PCDHGA4: variants seen among roughly 807,000 people sequenced by gnomAD.
PCDHGA4 encodes protocadherin gamma-A4.
PCDHGA4 carries 38 observed loss-of-function variants against 54.6 expected under a neutral mutation model. That is an observed-to-expected ratio of 0.70 (90% confidence interval 0.54 to 0.91). The LOEUF is 0.91. Ranked by LOEUF, PCDHGA4 falls within the 40% of genes least tolerant of loss-of-function variation. The probability of loss-of-function intolerance (pLI) is 0.00; values close to 1 mark genes in which losing one functional copy is unlikely to be tolerated. For missense variants in PCDHGA4, 1,298 were observed against 1,220.9 expected, an observed-to-expected ratio of 1.06 and a Z score of -0.94; for synonymous variants, 511 against 512.9, an observed-to-expected ratio of 1.00 and a Z score of 0.05.
At chr5:141,466,871 T>G (rs1432611218) in intron 1 of PCDHGA4, among the ~76,000 whole-genome samples, 1 of 152,166 alleles carries the variant, frequency 6.6e-6, no homozygotes, top group Admixed American at 6.5e-5. Flanking sequence ...ATCCACACAT[T>G]TTTTTCATAA....
chr5:141,383,749 A>C (rs771648323), intron 1 of PCDHGA4: 12 of 1,614,008 alleles, frequency 7.4e-6, no homozygotes, highest in Non-Finnish European at 1.0e-5. Context: ...TTTTCGGAAA[A>C]TAACTCCTAA....
At chr5:141,455,686 G>A (rs1282071031) in intron 1 of PCDHGA4, among the ~76,000 whole-genome samples, 1 of 152,094 alleles carries the variant, frequency 6.6e-6, no homozygotes. Context: ...AAGGCTGTGG[G>A]AATCGCCAAG....
intron 1 of PCDHGA4, among the ~76,000 whole-genome samples, chr5:141,447,983 G>A (rs1311439824): frequency 6.6e-6 from 1 of 151,972 alleles, no homozygotes; most frequent in Non-Finnish European, 1.5e-5. Context: ...CTACTCGGGA[G>A]GCTGAGGCAT....
intron 1 of PCDHGA4, among the ~76,000 whole-genome samples, chr5:141,442,967 G>T (rs553833025): frequency 1.3e-5 from 2 of 152,220 alleles, no homozygotes; most frequent in African/African-American, 2.4e-5. Context: ...AGACATTCTG[G>T]CTGATAAAGT....
At chr5:141,373,521 T>A (rs1217518860) in intron 1 of PCDHGA4, among the ~76,000 whole-genome samples, 1 of 152,192 alleles carries the variant, frequency 6.6e-6, no homozygotes, top group African/African-American at 2.4e-5. Context: ...AGACTTTGTC[T>A]CCAAAAAAGT....
rs767147642 is a variant in PCDHGA4 at position 141,356,594 on chromosome 5, A to G, written c.1487A>G (p.Asn496Ser). 4 of 1,613,994 alleles carry G rather than the reference A, an allele frequency of 2.5e-6. No individual in the cohort carries two copies. The South Asian group carries it at 4.4e-5, about 18-fold the overall frequency. The change falls in exon 1 of 4, where the codon AAC becomes AGC. Residue 496 changes from asparagine (N) to serine (S), a missense_variant. Physicochemically the swap from Asn to Ser is conservative, Grantham distance 46. Transcript: ENST00000571252. ...ASYSAYIPENNPRGASILSMT... is the reference protein window; with the variant it reads ...ASYSAYIPENSPRGASILSMT... ...TACTCTGCTTACATTCCTGAAAACA[A>G]CCCCAGAGGAGCCTCCATCTTATCT...
Position 141,491,968 on chromosome 5 carries a change from G to GC in PCDHGA4, c.2515-2837dup. On this transcript the variant is annotated intron_variant, in intron 1 of 3. Coordinates refer to ENST00000571252, the MANE Select transcript of PCDHGA4 (RefSeq NM_018917.4). The surrounding 1 kb of genome is among the most constrained non-coding windows in gnomAD (Gnocchi z 6.9). ...ACCCCTACACTCAAAAAAGGCCGGG[G>GC]CCTCCTTCGAGCTTCCGGTGAATTT... 1.1e-6 allele frequency: 1 copy of GC among 923,644 alleles called. No homozygotes were observed. Among genetic ancestry groups the GC allele is most frequent in the Admixed American group, 3.6e-5 (1 of 27,548 alleles). 57.2% of individuals were successfully genotyped at this position (923,644 alleles called of 1,614,324 possible).
At chr5:141,488,389 A>G (rs1322717951) in intron 1 of PCDHGA4, among the ~76,000 whole-genome samples, 1 of 152,224 alleles carries the variant, frequency 6.6e-6, no homozygotes, top group East Asian at 1.9e-4. Context: ...GAATTTGGTG[A>G]AACCATGAAA....
intron 1 of PCDHGA4, chr5:141,399,478 G>T (rs367753385): frequency 2.0e-5 from 32 of 1,613,894 alleles, no homozygotes; most frequent in Non-Finnish European, 2.6e-5. Context: ...TTTCCACCAG[G>T]CGTCCTACTT....
chr5:141,484,603 G>T (rs1460433183), intron 1 of PCDHGA4, among the ~76,000 whole-genome samples: 1 of 152,008 alleles, frequency 6.6e-6, no homozygotes, highest in Non-Finnish European at 1.5e-5. Context: ...TAGAATACTG[G>T]TTGATGACAA....
At chr5:141,374,686 C>A (rs765389244) in intron 1 of PCDHGA4, 1 of 1,609,760 alleles carries the variant, frequency 6.2e-7, no homozygotes, top group South Asian at 1.1e-5. Flanking sequence ...GCACACTGGA[C>A]CGGGAAGGAG....
Position 141,374,841 on chromosome 5 carries a change from A to T in PCDHGA4, c.2514+17220A>T, listed in dbSNP as rs1770885287. 8 of 1,613,862 alleles carry T rather than the reference A, an allele frequency of 5.0e-6. No individual in the cohort carries two copies. The East Asian group carries it at 1.8e-4, about 36-fold the overall frequency. ...CCTGTCTACCGTGTAAGTGTTCCTGAAAACCTGCCAGTAGGCACACCAGTG... is the reference window on the plus strand; with the variant it reads ...CCTGTCTACCGTGTAAGTGTTCCTGTAAACCTGCCAGTAGGCACACCAGTG... On this transcript the variant is annotated intron_variant, in intron 1 of 3. Coordinates refer to ENST00000571252, the MANE Select transcript of PCDHGA4 (RefSeq NM_018917.4).
chr5:141,399,448 G>A (rs1272959259), intron 1 of PCDHGA4: 5 of 1,613,872 alleles, frequency 3.1e-6, no homozygotes, highest in Non-Finnish European at 4.2e-6. Flanking sequence ...TATCAGAGAC[G>A]TCAACGATAA....
chr5:141,366,286 C>G, intron 1 of PCDHGA4: 1 of 1,613,720 alleles, frequency 6.2e-7, no homozygotes, highest in South Asian at 1.1e-5. Flanking sequence ...ATGGCCAGCC[C>G]CCTCTGTCAG....
At chr5:141,366,266 G>T (rs1014933070) in intron 1 of PCDHGA4, 1 of 1,613,562 alleles carries the variant, frequency 6.2e-7, no homozygotes. Flanking sequence ...CGTGGTGGCC[G>T]TCGAAGACCA....
At chr5:141,428,613 CAAGAT>C (rs1385471747) in intron 1 of PCDHGA4, 1 of 212,608 alleles carries the variant, frequency 4.7e-6, no homozygotes, top group African/African-American at 2.3e-5. Flanking sequence ...AAGAGAATAA[CAAGAT>C]AAGCTCTAAC....
intron 2 of PCDHGA4, among the ~76,000 whole-genome samples, chr5:141,501,110 G>A (rs1373404247): frequency 2.6e-5 from 4 of 151,908 alleles, no homozygotes; most frequent in Admixed American, 6.6e-5. Flanking sequence ...CTCGTGATCC[G>A]CCTGCCTCAG....
intron 1 of PCDHGA4, chr5:141,440,019 G>A (rs747595475): frequency 6.5e-5 from 10 of 153,114 alleles, no homozygotes; most frequent in Non-Finnish European, 8.8e-5. Flanking sequence ...AAGGATCTGG[G>A]ACTCAGTGTC....
chr5:141,409,759 C>A, intron 1 of PCDHGA4: 1 of 1,612,958 alleles, frequency 6.2e-7, no homozygotes, highest in Non-Finnish European at 8.5e-7. Flanking sequence ...CGCAGCGCGC[C>A]TTTGATCACG....
Sources: gnomAD v4.1 joint callset for allele counts (sites outside exome capture counted in the v4.1 genomes callset) on GRCh38, gnomAD v4.1.1 for gene constraint, Gnocchi (gnomAD v3.1) non-coding constraint, MANE v1.5 for transcripts, NCBI Gene and HGNC (gene_info 2026-07-23, HGNC 2026-07-21) for gene names.